Variants in OPN3 observed in about 807,000 individuals in gnomAD.
OPN3 encodes the protein opsin-3.
Under a neutral mutation model 33.8 loss-of-function variants are expected in OPN3, and 29 were observed. The ratio of observed to expected loss-of-function variants is 0.86; its 90% confidence interval spans 0.64 to 1.17. The LOEUF (loss-of-function observed/expected upper bound fraction) is 1.17, where lower values mean the gene tolerates loss of function less well. Ranked by LOEUF, OPN3 falls within the 50% of genes most tolerant of loss-of-function variation. The pLI is 0.00. For synonymous variants in OPN3, 216 were observed against 216.1 expected (o/e 1.00, Z 0.00); for missense variants, 437 against 514.1 (o/e 0.85, Z 1.45).
intron 1 of OPN3, among the ~76,000 whole-genome samples, chr1:241,608,859 G>C (rs1663908064): frequency 6.6e-6 from 1 of 152,158 alleles, no homozygotes; most frequent in African/African-American, 2.4e-5. Context: ...ATAACTGAGT[G>C]GCAGCATGAG....
At chr1:241,607,898 A>G (rs559254021) in intron 1 of OPN3, among the ~76,000 whole-genome samples, 2 of 152,342 alleles carry the variant, frequency 1.3e-5, no homozygotes, top group South Asian at 2.1e-4. Context: ...TGAAAGTATC[A>G]AGGTAGATGA....
At chr1:241,634,440 C>T in intron 1 of OPN3, 1 of 1,613,714 alleles carries the variant, frequency 6.2e-7, no homozygotes, top group Non-Finnish European at 8.5e-7. Flanking sequence ...CATGTTTCCT[C>T]AGAAAGGTAA....
intron 1 of OPN3, among the ~76,000 whole-genome samples, chr1:241,611,821 G>T (rs1046377789): frequency 1.3e-5 from 2 of 152,196 alleles, no homozygotes; most frequent in African/African-American, 4.8e-5. Context: ...GCTTTTGGAG[G>T]TTTTCCTTAT....
chr1:241,623,092 C>CA (rs1664312666), intron 1 of OPN3, among the ~76,000 whole-genome samples: 1 of 102,934 alleles, frequency 9.7e-6, no homozygotes, highest in Non-Finnish European at 2.3e-5. Context: ...AAACAAAAAA[C>CA]AAAAAACAAA....
chr1:241,603,843 A>G (rs372259811), intron 2 of OPN3, among the ~76,000 whole-genome samples: 1 of 152,188 alleles, frequency 6.6e-6, no homozygotes, highest in African/African-American at 2.4e-5. Context: ...GTCAGTTCTT[A>G]CCCTTTATGA....
chr1:241,596,959 C>T (rs1297580278), intron 3 of OPN3, among the ~76,000 whole-genome samples: 8 of 151,946 alleles, frequency 5.3e-5, no homozygotes, highest in Admixed American at 3.9e-4. Context: ...TGAGTAGCTG[C>T]GACTAAGGCA....
intron 1 of OPN3, chr1:241,615,919 G>A (rs774158126): frequency 2.2e-6 from 1 of 456,726 alleles, no homozygotes; most frequent in South Asian, 1.5e-5. Context: ...GTGGCTGCCT[G>A]AAGCTGGCTG....
In OPN3 at chr1:241,594,567, C is replaced by G; in HGVS notation, c.1070G>C (p.Gly357Ala). Residue 357 changes from glycine (G) to alanine (A), a missense_variant, in exon 4 of 4, where the codon GGG (glycine) becomes GCG (alanine). By Grantham distance (60) the Gly-to-Ala change is moderately conservative. Coordinates refer to ENST00000366554, the MANE Select transcript of OPN3 (RefSeq NM_014322.3). Reference sequence around the variant, plus strand: ...AGTCACTTTTTTCTTTGGCCTGTCCCCATCTTTCTGTGACATCACAATGGG... The same window carrying G: ...AGTCACTTTTTTCTTTGGCCTGTCCGCATCTTTCTGTGACATCACAATGGG... ...IRPIVMSQKD[G>A]DRPKKKVTFN... is the part of the protein sequence containing the mutation. The G allele has an allele frequency of 6.2e-7, 1 of 1,614,112 alleles. No individual in the cohort carries two copies. Among genetic ancestry groups the G allele is most frequent in the African/African-American group, 1.3e-5 (1 of 75,036 alleles).
In OPN3 at chr1:241,633,807, G is replaced by A. The variant is rs755604697; in HGVS notation, c.373+6075C>T. ...GAGATTGCTCTTTTCTAATTTTGAA[G>A]GTGCTTCTCTGGGCTTTCTAGGTTT... On this transcript the variant is annotated intron_variant, in intron 1 of 3. Transcript: ENST00000366554. The A allele has an allele frequency of 6.8e-6, 11 of 1,613,296 alleles. No individual in the cohort carries two copies. The Admixed American group carries it at 1.5e-4, about 22-fold the overall frequency.
At chr1:241,634,976 C>G (rs746520866) in intron 1 of OPN3, 1 of 1,613,600 alleles carries the variant, frequency 6.2e-7, no homozygotes, top group South Asian at 1.1e-5. Flanking sequence ...TGCAAGAATC[C>G]TAGTGACATT....
rs370499285 is a variant in OPN3, at chr1:241,634,163, T to C, written c.373+5719A>G. On this transcript the variant is annotated intron_variant, in intron 1 of 3. Transcript: ENST00000366554. Reference sequence around the variant, plus strand: ...AAGTTCTTCCTCGTTTATTTCTGTTTCAGTATACGGAGTGAATAATTTCTT... The same window carrying C: ...AAGTTCTTCCTCGTTTATTTCTGTTCCAGTATACGGAGTGAATAATTTCTT... 5 of 1,613,634 alleles carry C rather than the reference T, an allele frequency of 3.1e-6. No individual in the cohort carries two copies. In the African/African-American group the frequency reaches 6.7e-5, roughly 22 times the overall value.
intron 1 of OPN3, among the ~76,000 whole-genome samples, chr1:241,628,523 ATCCAACTTTCATC>A (rs1341978334): frequency 4.6e-5 from 7 of 152,128 alleles, no homozygotes. Context: ...ACATCTATGA[ATCCAACTTTCATC>A]TCCACGGTTT....
chr1:241,622,205 G>C (rs1296085789), intron 1 of OPN3, among the ~76,000 whole-genome samples: 2 of 152,102 alleles, frequency 1.3e-5, no homozygotes, highest in Non-Finnish European at 2.9e-5. Flanking sequence ...GACAAAAATA[G>C]AGTTCATTAA....
chr1:241,594,719 A>C, intron 3 of OPN3, 28 bp from the exon 4 acceptor site: 1 of 1,601,484 alleles, frequency 6.2e-7, no homozygotes, highest in Non-Finnish European at 8.5e-7. Flanking sequence ...AAAGTGGAAT[A>C]TTAAGTAAAA....
chr1:241,610,944 G>C (rs1223718817), intron 1 of OPN3, among the ~76,000 whole-genome samples: 1 of 140,926 alleles, frequency 7.1e-6, no homozygotes, highest in Admixed American at 7.3e-5. Flanking sequence ...GTGTGTGGCT[G>C]TATTAAATGA....
chr1:241,599,740 C>T (rs73136885), intron 2 of OPN3, among the ~76,000 whole-genome samples: 23 of 152,120 alleles, frequency 1.5e-4, no homozygotes, highest in East Asian at 7.7e-4. Flanking sequence ...CACTTTTGCT[C>T]GCAGTGTGAT....
intron 1 of OPN3, chr1:241,633,916 G>A (rs1234120892): frequency 1.2e-6 from 2 of 1,613,772 alleles, no homozygotes; most frequent in Non-Finnish European, 1.7e-6. Flanking sequence ...CACCATCAAA[G>A]ATAATGTCTT....
At chr1:241,626,729 A>T (rs1192667221) in intron 1 of OPN3, among the ~76,000 whole-genome samples, 1 of 152,230 alleles carries the variant, frequency 6.6e-6, no homozygotes, top group Non-Finnish European at 1.5e-5. Context: ...TAATGATAAA[A>T]AATAAAGTTT....
At chr1:241,607,924 G>T (rs1057080619) in intron 1 of OPN3, among the ~76,000 whole-genome samples, 1 of 151,990 alleles carries the variant, frequency 6.6e-6, no homozygotes, top group Non-Finnish European at 1.5e-5. Flanking sequence ...ATATTCAGAA[G>T]TCTATTTTTA....
Sources: allele counts gnomAD v4.1 joint callset (sites outside exome capture counted in the v4.1 genomes callset), GRCh38; gene constraint gnomAD v4.1.1; transcripts MANE v1.5; gene names NCBI Gene and HGNC (gene_info 2026-07-23, HGNC 2026-07-21).